The following RARB variants were observed in gnomAD, a reference collection of about 807,000 sequenced individuals.
The protein encoded by RARB is HBV-activated protein.
RARB carries 17 observed loss-of-function variants against 51.9 expected under a neutral mutation model. The ratio of observed to expected loss-of-function variants is 0.33; its 90% CI spans 0.22 to 0.49. The LOEUF is 0.49. Among genes scored for constraint, RARB ranks in the 20% least tolerant of loss-of-function variants. RARB has a pLI of 0.99. For synonymous variants in RARB, 215 were observed against 195.4 expected (o/e 1.10, Z -0.84); for missense variants, 369 against 550.8 (o/e 0.67, Z 3.30).
intron 5 of RARB, among the ~76,000 whole-genome samples, chr3:25,400,784 T>A (rs1707242475): frequency 6.6e-6 from 1 of 152,162 alleles, no homozygotes; most frequent in Admixed American, 6.5e-5. Flanking sequence ...CCACAGTTAT[T>A]CAACACTTTT....
intron 2 of RARB, among the ~76,000 whole-genome samples, chr3:25,007,730 T>G (rs2125278215): frequency 6.6e-6 from 1 of 152,158 alleles, no homozygotes; most frequent in Admixed American, 6.5e-5. Context: ...ATAAATATTC[T>G]CAAAAATCAT....
intron 1 of RARB, among the ~76,000 whole-genome samples, chr3:25,444,014 C>T (rs888430899): frequency 4.6e-5 from 7 of 152,162 alleles, no homozygotes; most frequent in African/African-American, 1.4e-4. Flanking sequence ...TTTGCTTCCC[C>T]ACCCCCATGA....
chr3:25,194,486 T>C (rs1480031639), intron 5 of RARB, among the ~76,000 whole-genome samples: 1 of 150,782 alleles, frequency 6.6e-6, no homozygotes, highest in Non-Finnish European at 1.5e-5. Context: ...TGTGTATATA[T>C]ATATATACAC....
intron 2 of RARB, among the ~76,000 whole-genome samples, chr3:25,007,735 A>T (rs1353099205): frequency 6.6e-6 from 1 of 151,978 alleles, no homozygotes; most frequent in Non-Finnish European, 1.5e-5. Context: ...TATTCTCAAA[A>T]ATCATTTTCT....
chr3:25,136,171 A>G (rs991709316), intron 4 of RARB, among the ~76,000 whole-genome samples: 5 of 152,112 alleles, frequency 3.3e-5, no homozygotes, highest in Admixed American at 2.6e-4. Flanking sequence ...TGCCAGGAGA[A>G]TAGACTGAAC....
At chr3:25,568,107 A>G (rs1307298268) in intron 3 of RARB, among the ~76,000 whole-genome samples, 1 of 152,130 alleles carries the variant, frequency 6.6e-6, no homozygotes, top group African/African-American at 2.4e-5. Flanking sequence ...AATACAGCTG[A>G]GGCTGCACTT....
chr3:25,144,125 T>G (rs1700151772), intron 4 of RARB, among the ~76,000 whole-genome samples: 1 of 152,220 alleles, frequency 6.6e-6, no homozygotes, highest in African/African-American at 2.4e-5. Flanking sequence ...ACAGAATTTG[T>G]TGAGCAACTA....
intron 5 of RARB, among the ~76,000 whole-genome samples, chr3:25,273,669 A>G (rs1173372791): frequency 6.6e-6 from 1 of 152,220 alleles, no homozygotes; most frequent in Non-Finnish European, 1.5e-5. Context: ...TTTGGTTTGC[A>G]TGTTTCATCA....
intron 2 of RARB, among the ~76,000 whole-genome samples, chr3:24,953,402 A>T (rs1229281403): frequency 6.6e-6 from 1 of 152,188 alleles, no homozygotes; most frequent in East Asian, 1.9e-4. Context: ...TCTTGGTTAG[A>T]ATTGCTTTAA....
chr3:25,001,559 C>T (rs1234801359), intron 2 of RARB, among the ~76,000 whole-genome samples: 1 of 152,074 alleles, frequency 6.6e-6, no homozygotes, highest in East Asian at 1.9e-4. Context: ...TGACTGTGGC[C>T]CCACCTCCTC....
At chr3:25,097,395 GT>G (rs1429681547) in intron 3 of RARB, among the ~76,000 whole-genome samples, 2 of 152,182 alleles carry the variant, frequency 1.3e-5, no homozygotes, top group Non-Finnish European at 2.9e-5. Flanking sequence ...TTACTTGAAT[GT>G]TTTTATAAAG....
chr3:24,914,879 A>G (rs1057471442), intron 2 of RARB, among the ~76,000 whole-genome samples: 3 of 152,180 alleles, frequency 2.0e-5, no homozygotes, highest in Non-Finnish European at 4.4e-5. Flanking sequence ...TGTCTTAACC[A>G]CCTGTGCACT....
At chr3:25,056,383 T>C (rs941847073) in intron 2 of RARB, among the ~76,000 whole-genome samples, 3 of 152,156 alleles carry the variant, frequency 2.0e-5, no homozygotes, top group Admixed American at 1.3e-4. Flanking sequence ...CTCAAAAGTA[T>C]ATTTTGTGAA....
chr3:25,310,269 A>G (rs1704257342), intron 5 of RARB, among the ~76,000 whole-genome samples: 1 of 152,218 alleles, frequency 6.6e-6, no homozygotes. Flanking sequence ...GATATGGAGC[A>G]TGAGTGAGAA....
chr3:25,275,782 A>G (rs1289496022), intron 5 of RARB, among the ~76,000 whole-genome samples: 26 of 136,170 alleles, frequency 1.9e-4, no homozygotes, highest in African/African-American at 6.4e-4. Flanking sequence ...CGTGGGGTGG[A>G]GGGAGGGGGG....
At position 25,286,474 on chromosome 3, in the gene RARB, C is replaced by G. The variant is rs1703660260; in HGVS notation, c.178+111899C>G. 5.9e-5 allele frequency among the ~76,000 whole-genome samples: 9 copies of G among 152,282 alleles called. No homozygotes were observed. The South Asian group carries it at 1.9e-3, about 32-fold the overall frequency. On this transcript the variant is annotated intron_variant, in intron 5 of 11. Transcript: ENST00000383772. Reference sequence around the variant, plus strand: ...AATCCCTCTAGCCTACTGAGAAGCCCTCTGATGTTTCTCCTCCTCTCCAGA... The same window carrying G: ...AATCCCTCTAGCCTACTGAGAAGCCGTCTGATGTTTCTCCTCCTCTCCAGA...
intron 2 of RARB, among the ~76,000 whole-genome samples, chr3:24,980,424 G>C (rs74852966): frequency 6.6e-6 from 1 of 151,966 alleles, no homozygotes; most frequent in South Asian, 2.1e-4. Flanking sequence ...ATGTAGATTT[G>C]GTCTTTTCAC....
At chr3:24,918,977 G>C (rs776843912) in intron 2 of RARB, among the ~76,000 whole-genome samples, 1 of 152,076 alleles carries the variant, frequency 6.6e-6, no homozygotes, top group Non-Finnish European at 1.5e-5. Context: ...AACTGAATTT[G>C]GTACAGTATG....
intron 2 of RARB, among the ~76,000 whole-genome samples, chr3:24,885,237 G>C (rs1434685655): frequency 6.6e-6 from 1 of 152,110 alleles, no homozygotes; most frequent in Admixed American, 6.6e-5. Context: ...GAGAGAGATT[G>C]AGTTGCAGTA....
Sources: allele counts gnomAD v4.1 joint callset (sites outside exome capture counted in the v4.1 genomes callset), GRCh38; gene constraint gnomAD v4.1.1; transcripts MANE v1.5; gene names NCBI Gene and HGNC (gene_info 2026-07-23, HGNC 2026-07-21).